SETD6: variants seen among roughly 807,000 people sequenced by gnomAD.
The protein encoded by SETD6 is SET domain containing 6, protein lysine methyltransferase.
SETD6 carries 67 observed loss-of-function variants against 52.7 expected under a neutral mutation model. The ratio of observed to expected loss-of-function variants is 1.27; its 90% CI spans 1.04 to 1.56. The LOEUF is 1.56. Among genes scored for constraint, SETD6 ranks in the 40% most tolerant of loss-of-function variants. The pLI, the probability that SETD6 is intolerant of heterozygous loss-of-function variation, is 0.00. For synonymous variants in SETD6, 307 were observed against 250.2 expected (o/e 1.23, Z -2.14); for missense variants, 712 against 607.5 (o/e 1.17, Z -1.81).
chr16:58,522,127 G>A lies in SETD6; in HGVS notation c.*3098G>A, dbSNP rs1350053365. On this transcript the variant is annotated 3_prime_UTR_variant, in exon 8 of 8. Coordinates refer to ENST00000219315, the MANE Select transcript of SETD6 (RefSeq NM_001160305.4). ...GAGGTCGGGAGTTCAAGACCAGCCT[G>A]GCCAAGATGGTGAAACCCCGTCTCT... Among the ~76,000 whole-genome samples the A allele has an allele frequency of 6.6e-6, 1 of 151,404 alleles. No homozygotes were observed. Among genetic ancestry groups the A allele is most frequent in the Admixed American group, 6.6e-5 (1 of 15,164 alleles).
Position 58,520,837 on chromosome 16 carries a change from G to C in SETD6, c.*1808G>C. Reference sequence around the variant, plus strand: ...GCTGATCCCAACAGTAGTTGGGGCAGATACCCACAAACCAAAGGGCTGGGA... The same window carrying C: ...GCTGATCCCAACAGTAGTTGGGGCACATACCCACAAACCAAAGGGCTGGGA... On this transcript the variant is annotated 3_prime_UTR_variant, in exon 8 of 8. Transcript: ENST00000219315. 1.0e-6 allele frequency: 1 copy of C among 995,092 alleles called. No homozygotes were observed. Among genetic ancestry groups the C allele is most frequent in the Non-Finnish European group, 1.5e-6 (1 of 648,380 alleles). 61.6% of individuals were successfully genotyped at this position (995,092 alleles called of 1,614,324 possible).
In SETD6 at chr16:58,516,638, T is replaced by C; in HGVS notation, c.637T>C (p.Tyr213His). The change falls in exon 4 of 8, where the codon TAC (tyrosine) becomes CAC (histidine). Residue 213 changes from tyrosine to histidine, a missense_variant. By Grantham distance (83) the Tyr-to-His change is moderately conservative (BLOSUM62 2). Coordinates refer to ENST00000219315, the MANE Select transcript of SETD6 (RefSeq NM_001160305.4). ...FSLRVRSLEL[Y>H]HQLVALVMAY... is the part of the protein sequence containing the mutation. ...CCTCAGGGTTCGCTCCCTAGAACTC[T>C]ACCACCAGCTGGTGGCCCTTGTGAT... 1.9e-6 allele frequency: 3 copies of C among 1,614,064 alleles called. No homozygotes were observed. Among genetic ancestry groups the C allele is most frequent in the East Asian group, 2.2e-5 (1 of 44,878 alleles).
Position 58,516,321 on chromosome 16 carries a change from C to T in SETD6, c.454C>T (p.Arg152Cys). 4 of 1,608,118 alleles carry T rather than the reference C, an allele frequency of 2.5e-6. No individual in the cohort carries two copies. Among genetic ancestry groups the T allele is most frequent in the Non-Finnish European group, 3.4e-6 (4 of 1,179,896 alleles). The change falls in exon 3 of 8, where the codon CGC becomes TGC. Residue 152 changes from arginine to cysteine, a missense_variant. Transcript: ENST00000219315. ...PYFALWPELG[R>C]LEHPMFWPEE... is the part of the protein sequence containing the mutation. ...CTTTGCGCTCTGGCCCGAGCTGGGC[C>T]GCTTGGAGCACCCGATGTTCTGGTG...
chr16:58,515,918 G>A lies in SETD6; in HGVS notation c.155G>A (p.Gly52Glu), dbSNP rs780224122. Reference protein sequence around the residue: ...ERAGGRRTRGGARAALTSPPA... With the variant: ...ERAGGRRTRGEARAALTSPPA... ...GCCGGCGGGCGGAGGACCCGCGGCG[G>A]GGCGCGGGCTGCCCTGACCAGCCCT... The change falls in exon 2 of 8, where the codon GGG becomes GAG. Residue 52 changes from glycine (G) to glutamate (E), a missense_variant. By Grantham distance (98) the Gly-to-Glu change is moderately conservative. Coordinates refer to ENST00000219315, the MANE Select transcript of SETD6 (RefSeq NM_001160305.4). 4.7e-6 allele frequency: 7 copies of A among 1,505,078 alleles called. No homozygotes were observed. Among genetic ancestry groups the A allele is most frequent in the Non-Finnish European group, 6.2e-6 (7 of 1,135,868 alleles). 93.2% of individuals were successfully genotyped at this position (1,505,078 alleles called of 1,614,324 possible).
rs10701404 is a variant in SETD6 at position 58,522,555 on chromosome 16, AGTGTGT to A, written c.*3537_*3542del. 6.6e-6 allele frequency among the ~76,000 whole-genome samples: 1 copy of A among 151,500 alleles called. No individual in the cohort carries two copies. The highest frequency in any genetic ancestry group is 1.5e-5 in the Non-Finnish European group (1 of 67,860). ...TTTAAGAGTCTGGCCCAATTTTTAA[AGTGTGT>A]GTGTGTGTGTATCACAATCTCTCTA... On this transcript the variant is annotated 3_prime_UTR_variant, in exon 8 of 8. Transcript: ENST00000219315.
At chr16:58,516,453 A>T in intron 3 of SETD6, 25 bp from the exon 4 acceptor site, 1 of 1,613,528 alleles carries the variant, frequency 6.2e-7, no homozygotes, top group Non-Finnish European at 8.5e-7. Flanking sequence ...GAATGAAGGG[A>T]ACCTGGGTGT....
Position 58,518,073 on chromosome 16 carries a change from C to G in SETD6, c.815C>G (p.Thr272Ser). ...YSANCLRMVA[T>S]QPIPKGHEIF... Reference sequence around the variant, plus strand: ...CAGAATTGTCTTCGGATGGTAGCCACTCAGCCCATTCCTAAAGGCCATGAG... The same window carrying G: ...CAGAATTGTCTTCGGATGGTAGCCAGTCAGCCCATTCCTAAAGGCCATGAG... The change falls in exon 6 of 8, where the codon ACT (threonine) becomes AGT (serine). Residue 272 changes from threonine (T) to serine (S), a missense_variant. By Grantham distance (58) the Thr-to-Ser change is moderately conservative (BLOSUM62 1). Transcript: ENST00000219315. The G allele has an allele frequency of 6.2e-7, 1 of 1,614,210 alleles. No homozygotes were observed. Among genetic ancestry groups the G allele is most frequent in the Non-Finnish European group, 8.5e-7 (1 of 1,180,044 alleles).
rs781152134 is a variant in SETD6 at position 58,516,924 on chromosome 16, C to G, written c.788C>G (p.Ser263Cys). 7 of 1,614,200 alleles carry G rather than the reference C, an allele frequency of 4.3e-6. No homozygotes were observed. Among genetic ancestry groups the G allele is most frequent in the Non-Finnish European group, 5.9e-6 (7 of 1,180,040 alleles). Residue 263 changes from serine to cysteine, a missense_variant, in exon 5 of 8, where the codon TCT (serine) becomes TGT (cysteine). Physicochemically the swap from Ser to Cys is moderately radical, Grantham distance 112 (BLOSUM62 -1). Coordinates refer to ENST00000219315, the MANE Select transcript of SETD6 (RefSeq NM_001160305.4). Reference protein sequence around the residue: ...LANHNANLEYSANCLRMVATQ... With the variant: ...LANHNANLEYCANCLRMVATQ... ...AATCACAACGCCAATCTAGAATACT[C>G]TGCGGTGAGTGGAGTTTCTCTTGGT...
Position 58,516,529 on chromosome 16 carries a change from CG to C in SETD6, c.529del (p.Val177TrpfsTer34). On this transcript the variant is annotated frameshift_variant, in exon 4 of 8. Coordinates refer to ENST00000219315, the MANE Select transcript of SETD6 (RefSeq NM_001160305.4). LOFTEE classifies it high-confidence loss of function. ...LLQGTGVPEAVEKDLANIRSE... is the reference protein window; with the variant it reads ...LLQGTGVPEAXEKDLANIRSE... ...TCCAGGGCACAGGCGTACCTGAGGC[CG>C]TGGAGAAGGATTTGGCCAACATCCG... 6.2e-7 allele frequency: 1 copy of C among 1,614,086 alleles called. No individual in the cohort carries two copies. Among genetic ancestry groups the C allele is most frequent in the South Asian group, 1.1e-5 (1 of 91,078 alleles).
Position 58,516,831 on chromosome 16 carries a change from AAG to A in SETD6, c.698_699del (p.Glu233GlyfsTer2), listed in dbSNP as rs1304920807. ...AGCTTTCAGGAACCACTGGAGGAAG[AAG>A]AGGATGAAAAGGAGCCCAACTCCCC... On this transcript the variant is annotated frameshift_variant, in exon 5 of 8. Coordinates refer to ENST00000219315, the MANE Select transcript of SETD6 (RefSeq NM_001160305.4). LOFTEE classifies it high-confidence loss of function. 1 of 1,614,094 alleles carries A rather than the reference AAG, an allele frequency of 6.2e-7. No individual in the cohort carries two copies. Among genetic ancestry groups the A allele is most frequent in the Non-Finnish European group, 8.5e-7 (1 of 1,180,044 alleles).
chr16:58,515,602 G>A, intron 1 of SETD6, 38 bp downstream of exon 1: 1 of 1,511,248 alleles, frequency 6.6e-7, no homozygotes, highest in South Asian at 1.3e-5. Context: ...TTTCCTCCGC[G>A]CCTCACCCCT....
In SETD6 at chr16:58,520,926, G is replaced by C; in HGVS notation, c.*1897G>C. 6.2e-7 allele frequency: 1 copy of C among 1,602,416 alleles called. No homozygotes were observed. The highest frequency in any genetic ancestry group is 8.5e-7 in the Non-Finnish European group (1 of 1,173,424). On this transcript the variant is annotated 3_prime_UTR_variant, in exon 8 of 8. Coordinates refer to ENST00000219315, the MANE Select transcript of SETD6 (RefSeq NM_001160305.4). ...TGAACTCGGTGCAGTGAGACCTCTA[G>C]ACTGACACGTACAACAGAGATGCAG...
intron 5 of SETD6, 123 bp from the exon 6 acceptor site, chr16:58,517,928 T>G: frequency 8.2e-7 from 1 of 1,213,790 alleles, no homozygotes; most frequent in Non-Finnish European, 1.2e-6. Context: ...AGGTAGAACT[T>G]TGGTAGTTAA....
chr16:58,521,458 A>G lies in SETD6; in HGVS notation c.*2429A>G. The stretch of plus-strand genomic sequence containing the variant: ...CACCTTTAGTAAAGACAGGTGGATT[A>G]ATATACTCCAAATAGCACAGGTTGG... On this transcript the variant is annotated 3_prime_UTR_variant, in exon 8 of 8. Transcript: ENST00000219315. The G allele has an allele frequency of 3.9e-6, 3 of 763,094 alleles. No individual in the cohort carries two copies. The highest frequency in any genetic ancestry group is 6.3e-6 in the Non-Finnish European group (3 of 478,264). 47.3% of individuals were successfully genotyped at this position (763,094 alleles called of 1,614,324 possible).
Position 58,516,788 on chromosome 16 carries a change from C to G in SETD6, c.672-20C>G. On this transcript the variant is annotated intron_variant, in intron 4 of 7. Transcript: ENST00000219315. Reference sequence around the variant, plus strand: ...TCCCTCACCCAAGACAGGGCCTTAGCCAGGTTCTGTCAATGGCAGCTTTCA... The same window carrying G: ...TCCCTCACCCAAGACAGGGCCTTAGGCAGGTTCTGTCAATGGCAGCTTTCA... 1 of 1,614,138 alleles carries G rather than the reference C, an allele frequency of 6.2e-7. No individual in the cohort carries two copies. The highest frequency in any genetic ancestry group is 8.5e-7 in the Non-Finnish European group (1 of 1,180,008).
At position 58,518,526 on chromosome 16, in the gene SETD6, C is replaced by G; in HGVS notation, c.1099C>G (p.Leu367Val). Residue 367 changes from leucine to valine, a missense_variant, in exon 7 of 8, where the codon CTG (leucine) becomes GTG (valine). Leu to Val is a conservative substitution (Grantham distance 32). Transcript: ENST00000219315. The stretch of plus-strand genomic sequence containing the variant: ...GGAGGAGGTGCTGACTGAAGAGGAG[C>G]TGACCACCACACTAAAGGTAAACGG... ...GREEVLTEEE[L>V]TTTLKVLCMP... The G allele has an allele frequency of 1.9e-6, 3 of 1,596,670 alleles. No homozygotes were observed. The highest frequency in any genetic ancestry group is 1.1e-5 in the South Asian group (1 of 87,020).
At chr16:58,516,371 C>T (rs966411779) in intron 3 of SETD6, 28 bp downstream of exon 3, 2 of 1,603,502 alleles carry the variant, frequency 1.2e-6, no homozygotes, top group Non-Finnish European at 1.7e-6. Flanking sequence ...GGTTGGGGAG[C>T]GCCTGCACCG....
chr16:58,515,749 T>C (rs1210597434), intron 1 of SETD6, 42 bp from the exon 2 acceptor site: 12 of 1,425,814 alleles, frequency 8.4e-6, no homozygotes, highest in Non-Finnish European at 9.1e-7. Flanking sequence ...CCCAGCGGCC[T>C]CTCTGGGGGT....
chr16:58,520,164 G>T lies in SETD6; in HGVS notation c.*1135G>T, dbSNP rs1211124109. The T allele has an allele frequency of 6.6e-6, 1 of 152,052 alleles. No homozygotes were observed. Among genetic ancestry groups the T allele is most frequent in the Non-Finnish European group, 1.5e-5 (1 of 68,026 alleles). The allele number at this position is 152,052 out of a possible 1,614,324, so 9.4% of individuals were successfully genotyped here. ...CCATTCATTCAGTGGGGTAATGGGG[G>T]AGAACAATTAATTAATGAGATTTGG... On this transcript the variant is annotated 3_prime_UTR_variant, in exon 8 of 8. Transcript: ENST00000219315.
Sources: gnomAD v4.1 joint callset for allele counts (sites outside exome capture counted in the v4.1 genomes callset) on GRCh38, gnomAD v4.1.1 for gene constraint, MANE v1.5 for transcripts, NCBI Gene and HGNC (gene_info 2026-07-23, HGNC 2026-07-21) for gene names.